PYHIN1: variants seen among roughly 807,000 people sequenced by gnomAD.
The protein encoded by PYHIN1 is pyrin and HIN domain family member 1, also known as pyrin and HIN domain-containing protein 1.
PYHIN1 carries 32 observed loss-of-function variants against 43.7 expected under a neutral mutation model. The observed-to-expected ratio is 0.73, with a 90% CI of 0.55 to 0.98. PYHIN1 has a LOEUF of 0.98. Among genes scored for constraint, PYHIN1 ranks in the 50% least tolerant of loss-of-function variants. PYHIN1 has a pLI of 0.00. For synonymous variants in PYHIN1, 205 were observed against 203.1 expected (o/e 1.01, Z -0.08); for missense variants, 588 against 589.5 (o/e 1.00, Z 0.03).
chr1:158,947,084 T>C (rs898808471), intron 7 of PYHIN1, among the ~76,000 whole-genome samples: 2 of 152,186 alleles, frequency 1.3e-5, no homozygotes, highest in African/African-American at 2.4e-5. Flanking sequence ...ATTCCTGTGC[T>C]TCACAACATC....
rs1465734847 is a variant in PYHIN1, at chr1:158,933,758, C to CTT, written c.-21+1986_-21+1987dup. Among the ~76,000 whole-genome samples the CTT allele has an allele frequency of 6.6e-6, 1 of 152,118 alleles. No homozygotes were observed. Among genetic ancestry groups the CTT allele is most frequent in the East Asian group, 1.9e-4 (1 of 5,176 alleles). On this transcript the variant is annotated intron_variant, in intron 1 of 8. Transcript: ENST00000368140. This position sits in a 1 kb window ranked among gnomAD's most constrained non-coding sequence, Gnocchi z 6.3. ...ACAATTACATTAGTAAACTCATATT[C>CTT]TTTTTCTTCCCTCCCTCCACCATGT...
chr1:158,976,668 A>G (rs900213720), intron 8 of PYHIN1, 33 bp from the exon 9 acceptor site: 5 of 1,557,284 alleles, frequency 3.2e-6, no homozygotes, highest in Non-Finnish European at 3.5e-6. Flanking sequence ...CCTGCATCTC[A>G]ACGGGTTTAT....
rs142543887 is a variant in PYHIN1 at position 158,964,555 on chromosome 1, C to G, written c.1360-9092C>G. ...AGCAGAACTTTCAACAGGAGCCTGA[C>G]AAGCCAGAAGAGCTTGGGACCTATA... On this transcript the variant is annotated intron_variant, in intron 7 of 8. Transcript: ENST00000368140. Among the ~76,000 whole-genome samples, 14 of 152,278 alleles carry G rather than the reference C, an allele frequency of 9.2e-5. No individual in the cohort carries two copies. In the East Asian group the frequency reaches 2.1e-3, roughly 23 times the overall value.
intron 7 of PYHIN1, among the ~76,000 whole-genome samples, chr1:158,960,909 T>C (rs554445616): frequency 5.3e-4 from 80 of 152,328 alleles, no homozygotes; most frequent in Non-Finnish European, 1.0e-3. Flanking sequence ...AAGATGTTTT[T>C]GTCAATAAGT....
chr1:158,980,906 A>G (rs531428853), downstream of PYHIN1, among the ~76,000 whole-genome samples: 1 of 152,194 alleles, frequency 6.6e-6, no homozygotes, highest in South Asian at 2.1e-4. Context: ...AACCCTTAAC[A>G]AAAACTTGCT....
the PYHIN1 span, among the ~76,000 whole-genome samples, chr1:158,988,772 A>T: frequency 3.3e-5 from 5 of 152,196 alleles, no homozygotes; most frequent in Non-Finnish European, 5.9e-5. Context: ...TGAAGAGAAA[A>T]TTTTTTGAGA....
At chr1:158,961,869 T>C (rs1650339714) in intron 7 of PYHIN1, among the ~76,000 whole-genome samples, 1 of 152,116 alleles carries the variant, frequency 6.6e-6, no homozygotes, top group Non-Finnish European at 1.5e-5. Flanking sequence ...TCAGGCTGCC[T>C]CACAGGCCTT....
intron 8 of PYHIN1, among the ~76,000 whole-genome samples, chr1:158,975,551 A>AT (rs1651207279): frequency 6.6e-6 from 1 of 152,212 alleles, no homozygotes; most frequent in East Asian, 1.9e-4. Flanking sequence ...TGAAAACAAT[A>AT]TTTTTCTAAC....
chr1:158,937,080 C>T lies in PYHIN1; in HGVS notation c.170C>T (p.Pro57Leu), dbSNP rs2101645203. The T allele has an allele frequency of 6.2e-7, 1 of 1,614,088 alleles. No homozygotes were observed. Among genetic ancestry groups the T allele is most frequent in the African/African-American group, 1.3e-5 (1 of 75,032 alleles). The stretch of plus-strand genomic sequence containing the variant: ...GCTGACTTGATGGAGGAAAAGTTCC[C>T]AGGTGATGCCGGTTTGGGCAAACTA... ...QIADLMEEKFPGDAGLGKLIE... is the reference protein window; with the variant it reads ...QIADLMEEKFLGDAGLGKLIE... The change falls in exon 2 of 9, where the codon CCA becomes CTA. Residue 57 changes from proline to leucine, a missense_variant. By Grantham distance (98) the Pro-to-Leu change is moderately conservative (BLOSUM62 -3). Coordinates refer to ENST00000368140, the MANE Select transcript of PYHIN1 (RefSeq NM_152501.5).
intron 7 of PYHIN1, among the ~76,000 whole-genome samples, chr1:158,961,123 C>A (rs1233459681): frequency 6.6e-6 from 1 of 152,050 alleles, no homozygotes. Flanking sequence ...TTAAAACCTG[C>A]ATTCTATATG....
chr1:158,951,679 G>T (rs1011711917), intron 7 of PYHIN1, among the ~76,000 whole-genome samples: 1 of 152,132 alleles, frequency 6.6e-6, no homozygotes, highest in African/African-American at 2.4e-5. Flanking sequence ...AGACTTTTTG[G>T]GAATGATGAA....
At chr1:158,978,983 C>T (rs971099888), downstream of PYHIN1, among the ~76,000 whole-genome samples, 36 of 152,150 alleles carry the variant, frequency 2.4e-4, no homozygotes, top group African/African-American at 8.7e-4. Context: ...TCATAGACAT[C>T]TTAGAGATCA....
Position 158,933,505 on chromosome 1 carries a change from AT to A in PYHIN1, c.-21+1732del, listed in dbSNP as rs985880474. On this transcript the variant is annotated intron_variant, in intron 1 of 8. Coordinates refer to ENST00000368140, the MANE Select transcript of PYHIN1 (RefSeq NM_152501.5). This position sits in a 1 kb window ranked among gnomAD's most constrained non-coding sequence, Gnocchi z 6.3. Reference sequence around the variant, plus strand: ...TCTTCTAGTTTCTCCTTGCATGATAATTTAAATTTTTTTTCATCTTTCAGTG... The same window carrying A: ...TCTTCTAGTTTCTCCTTGCATGATAATTAAATTTTTTTTCATCTTTCAGTG... 6.6e-6 allele frequency among the ~76,000 whole-genome samples: 1 copy of A among 151,906 alleles called. No individual in the cohort carries two copies. The highest frequency in any genetic ancestry group is 2.4e-5 in the African/African-American group (1 of 41,392).
chr1:158,948,511 G>A (rs1649345991), intron 7 of PYHIN1, among the ~76,000 whole-genome samples: 1 of 152,146 alleles, frequency 6.6e-6, no homozygotes, highest in African/African-American at 2.4e-5. Flanking sequence ...GCGTCTTGTT[G>A]CTCCCCCACA....
chr1:158,977,582 ATAAT>A (rs763184093), downstream of PYHIN1, among the ~76,000 whole-genome samples: 38 of 152,170 alleles, frequency 2.5e-4, no homozygotes, highest in Non-Finnish European at 5.1e-4. Flanking sequence ...AAACTGAAGA[ATAAT>A]TAATTTATTT....
chr1:158,945,116 T>G, intron 7 of PYHIN1, 74 bp downstream of exon 7: 1 of 1,427,904 alleles, frequency 7.0e-7, no homozygotes, highest in Non-Finnish European at 9.5e-7. Context: ...GTTGAAAGAG[T>G]TTCTCTTCTA....
chr1:158,938,988 T>C (rs1571722627), intron 3 of PYHIN1, 92 bp from the exon 4 acceptor site: 2 of 980,074 alleles, frequency 2.0e-6, no homozygotes, highest in East Asian at 2.9e-5. Flanking sequence ...AAAAACAATT[T>C]ATATACAATA....
chr1:158,970,464 A>G (rs1456106570), intron 7 of PYHIN1, among the ~76,000 whole-genome samples: 3 of 151,880 alleles, frequency 2.0e-5, no homozygotes, highest in Non-Finnish European at 2.9e-5. Flanking sequence ...TGAGTCTCCA[A>G]TGTCTATTAT....
At chr1:158,938,592 G>A in intron 3 of PYHIN1, 50 bp downstream of exon 3, 1 of 1,587,466 alleles carries the variant, frequency 6.3e-7, no homozygotes, top group Non-Finnish European at 8.6e-7. Flanking sequence ...TGGAAGCTCT[G>A]CTGTGGCTGT....
Sources: gnomAD v4.1 joint callset for allele counts (sites outside exome capture counted in the v4.1 genomes callset) on GRCh38, gnomAD v4.1.1 for gene constraint, Gnocchi (gnomAD v3.1) non-coding constraint, MANE v1.5 for transcripts, NCBI Gene and HGNC (gene_info 2026-07-23, HGNC 2026-07-21) for gene names.